Variants in ASIC2 observed in about 807,000 individuals in gnomAD.
ASIC2 encodes acid-sensing ion channel 2.
ASIC2 carries 25 observed loss-of-function variants against 57.3 expected under a neutral mutation model. That is an observed-to-expected ratio of 0.44 (90% CI 0.32 to 0.61). The LOEUF (loss-of-function observed/expected upper bound fraction) is 0.61. ASIC2 is among the 20% of genes least tolerant of loss of function. The pLI is 0.06. For synonymous variants in ASIC2, 319 were observed against 307.5 expected (o/e 1.04, Z -0.39); for missense variants, 641 against 738.1 (o/e 0.87, Z 1.52).
chr17:33,778,989 T>A (rs1911366974), intron 1 of ASIC2, among the ~76,000 whole-genome samples: 1 of 152,166 alleles, frequency 6.6e-6, no homozygotes, highest in African/African-American at 2.4e-5. Flanking sequence ...GCCTTACTCA[T>A]GTCTGTATCC....
intron 1 of ASIC2, among the ~76,000 whole-genome samples, chr17:33,436,782 T>C (rs1911623893): frequency 6.7e-6 from 1 of 148,210 alleles, no homozygotes; most frequent in African/African-American, 2.5e-5. Context: ...AGGGGAGCAC[T>C]AAGAACCTGC....
intron 1 of ASIC2, among the ~76,000 whole-genome samples, chr17:33,834,856 T>G (rs1913225629): frequency 6.6e-6 from 1 of 152,170 alleles, no homozygotes; most frequent in Non-Finnish European, 1.5e-5. Context: ...CCAGGCAGTG[T>G]CCTGTTCACC....
In ASIC2 at chr17:33,710,631, G is replaced by A. The variant is rs1190507232; in HGVS notation, c.555+445347C>T. ...TCTGGACTTTCTGATTCTTTTAATA[G>A]GGAATGGTAAAATACGATTGGTGAA... is the stretch of plus-strand genomic sequence containing the variant. On this transcript the variant is annotated intron_variant, in intron 1 of 9. Transcript: ENST00000359872. Among the ~76,000 whole-genome samples the A allele has an allele frequency of 3.3e-5, 5 of 152,200 alleles. No individual in the cohort carries two copies. The East Asian group carries it at 9.6e-4, about 29-fold the overall frequency.
intron 4 of ASIC2, among the ~76,000 whole-genome samples, chr17:33,027,416 A>G (rs886610795): frequency 1.3e-5 from 2 of 152,264 alleles, no homozygotes; most frequent in Admixed American, 6.5e-5. Flanking sequence ...GCTACTAAAT[A>G]TAATAACAAC....
intron 1 of ASIC2, among the ~76,000 whole-genome samples, chr17:34,154,545 A>T (rs1296940819): frequency 2.0e-5 from 3 of 152,298 alleles, no homozygotes; most frequent in East Asian, 3.9e-4. Context: ...GGGCTTTTTC[A>T]GAATCAGAGA....
At chr17:33,506,238 C>CAAAAAA (rs533194191) in intron 1 of ASIC2, among the ~76,000 whole-genome samples, 6 of 114,134 alleles carry the variant, frequency 5.3e-5, no homozygotes, top group African/African-American at 1.6e-4. Context: ...ACTAAAAATA[C>CAAAAAA]AAAAAAAAAA....
intron 1 of ASIC2, among the ~76,000 whole-genome samples, chr17:33,409,389 T>A (rs967723480): frequency 3.3e-5 from 5 of 152,144 alleles, no homozygotes; most frequent in African/African-American, 1.2e-4. Context: ...AGCCCTTCCT[T>A]CCCAACTTTG....
chr17:34,128,314 C>G (rs908827067), intron 1 of ASIC2, among the ~76,000 whole-genome samples: 2 of 152,106 alleles, frequency 1.3e-5, no homozygotes, highest in Non-Finnish European at 2.9e-5. Context: ...ACTGAATTCC[C>G]AGGGACCCCA....
chr17:33,322,645 G>A (rs1200996591), intron 1 of ASIC2, among the ~76,000 whole-genome samples: 1 of 152,142 alleles, frequency 6.6e-6, no homozygotes, highest in East Asian at 1.9e-4. Context: ...GACAGAGATG[G>A]TTCAGACCCA....
At chr17:33,386,374 C>T (rs550999356) in intron 1 of ASIC2, among the ~76,000 whole-genome samples, 1 of 152,278 alleles carries the variant, frequency 6.6e-6, no homozygotes, top group South Asian at 2.1e-4. Flanking sequence ...CCTCTCTTAC[C>T]ACCCCTGAAG....
chr17:34,136,126 A>G (rs1008786227), intron 1 of ASIC2, among the ~76,000 whole-genome samples: 1 of 152,208 alleles, frequency 6.6e-6, no homozygotes, highest in African/African-American at 2.4e-5. Context: ...ACATTAAAAC[A>G]AAGATTATAA....
intron 1 of ASIC2, among the ~76,000 whole-genome samples, chr17:33,176,624 C>T (rs1442561932): frequency 6.6e-6 from 1 of 152,210 alleles, no homozygotes; most frequent in Non-Finnish European, 1.5e-5. Flanking sequence ...GGATTACAGG[C>T]ATGAGCCACA....
chr17:33,715,024 G>A (rs1433288030), intron 1 of ASIC2, among the ~76,000 whole-genome samples: 1 of 113,420 alleles, frequency 8.8e-6, no homozygotes, highest in East Asian at 2.4e-4. Flanking sequence ...TTTGAGTCAG[G>A]GTTCTCTCTC....
chr17:33,732,147 A>G (rs533108352), intron 1 of ASIC2, among the ~76,000 whole-genome samples: 2 of 152,378 alleles, frequency 1.3e-5, no homozygotes, highest in East Asian at 1.9e-4. Flanking sequence ...TCAAACACAC[A>G]TAAAGCAGCA....
intron 3 of ASIC2, among the ~76,000 whole-genome samples, chr17:33,082,331 C>T (rs183058012): frequency 1.3e-5 from 2 of 152,110 alleles, no homozygotes; most frequent in African/African-American, 4.8e-5. Flanking sequence ...TGGATCAACA[C>T]TTAGAAAACA....
chr17:33,706,235 A>G (rs1045740373), intron 1 of ASIC2, among the ~76,000 whole-genome samples: 5 of 147,142 alleles, frequency 3.4e-5, no homozygotes, highest in Non-Finnish European at 6.0e-5. Context: ...ATATATGTAT[A>G]TTTTTGAGAC....
chr17:33,118,070 C>A (rs994670300), intron 1 of ASIC2, among the ~76,000 whole-genome samples: 2 of 152,214 alleles, frequency 1.3e-5, no homozygotes, highest in African/African-American at 4.8e-5. Flanking sequence ...AAGGGAGATG[C>A]TTCCATGCAC....
At chr17:34,146,502 G>GGTAAGC (rs575947971) in intron 1 of ASIC2, among the ~76,000 whole-genome samples, 207 of 152,326 alleles carry the variant, frequency 1.4e-3, no homozygotes, top group Admixed American at 5.4e-3. Flanking sequence ...AAGCATGAAT[G>GGTAAGC]TGGTTTCAGG....
At chr17:33,770,440 T>C (rs551555611) in intron 1 of ASIC2, among the ~76,000 whole-genome samples, 8 of 152,140 alleles carry the variant, frequency 5.3e-5, no homozygotes, top group Non-Finnish European at 1.0e-4. Context: ...TGTAGGCTTG[T>C]TGTTTTTGTT....
Sources: gnomAD v4.1 joint callset for allele counts (sites outside exome capture counted in the v4.1 genomes callset) on GRCh38, gnomAD v4.1.1 for gene constraint, MANE v1.5 for transcripts, NCBI Gene and HGNC (gene_info 2026-07-23, HGNC 2026-07-21) for gene names.